The following EPHA7 variants were observed in gnomAD, a reference collection of about 807,000 sequenced individuals.
EPHA7 encodes the protein EPH receptor A7.
In EPHA7, 25 loss-of-function variants were observed where a neutral mutation model predicts 112.6. That is an observed-to-expected ratio of 0.22 (90% CI 0.16 to 0.31). The LOEUF (loss-of-function observed/expected upper bound fraction) is 0.31, where lower values mean the gene tolerates loss of function less well. EPHA7 is among the 10% of genes least tolerant of loss of function. The pLI, the probability that EPHA7 is intolerant of heterozygous loss-of-function variation, is 1.00. For missense variants in EPHA7, 962 were observed against 1,212.6 expected, an observed-to-expected ratio of 0.79 and a Z score of 3.07; for synonymous variants, 437 against 406.5, an observed-to-expected ratio of 1.07 and a Z score of -0.90.
intron 5 of EPHA7, among the ~76,000 whole-genome samples, chr6:93,328,365 T>C (rs1365762064): frequency 3.3e-5 from 5 of 151,572 alleles, no homozygotes; most frequent in African/African-American, 1.2e-4. Context: ...ATTTCTTTTT[T>C]TGTCTATAGC....
At chr6:93,337,396 A>G (rs1443231477) in intron 5 of EPHA7, among the ~76,000 whole-genome samples, 1 of 152,156 alleles carries the variant, frequency 6.6e-6, no homozygotes, top group African/African-American at 2.4e-5. Context: ...ATGAGACCTA[A>G]TTTTCTGTGG....
At chr6:93,298,908 T>C (rs1772815367) in intron 5 of EPHA7, among the ~76,000 whole-genome samples, 1 of 152,154 alleles carries the variant, frequency 6.6e-6, no homozygotes, top group South Asian at 2.1e-4. Context: ...TTCTGCTTTA[T>C]TAGTGGAATA....
rs750782423 is a variant in EPHA7 at position 93,356,680 on chromosome 6, C to T, written c.1324+37G>A. 31 of 1,551,194 alleles carry T rather than the reference C, an allele frequency of 2.0e-5. No individual in the cohort carries two copies. In the South Asian group the frequency reaches 3.3e-4, roughly 16 times the overall value. On this transcript the variant is annotated intron_variant, in intron 5 of 16. Transcript: ENST00000369303. The stretch of plus-strand genomic sequence containing the variant: ...GTAAGACACCTCACTTAGGTAGTCA[C>T]ATTATTTCATTCAGTGAAGATAAAC...
chr6:93,392,828 T>A (rs1777978596), intron 3 of EPHA7, among the ~76,000 whole-genome samples: 1 of 151,842 alleles, frequency 6.6e-6, no homozygotes, highest in African/African-American at 2.4e-5. Flanking sequence ...TTTTGATATA[T>A]TTTTCAGACA....
At position 93,416,941 on chromosome 6, in the gene EPHA7, C is replaced by A. The variant is rs539551700; in HGVS notation, c.98-2174G>T. ...CGCCAGCCGCGCCAAGCATCCATTA[C>A]GCCTCTGCCAGACCTGGGCACTCCA... On this transcript the variant is annotated intron_variant, in intron 1 of 16. Coordinates refer to ENST00000369303, the MANE Select transcript of EPHA7 (RefSeq NM_004440.4). 5.3e-5 allele frequency among the ~76,000 whole-genome samples: 8 copies of A among 152,302 alleles called. No homozygotes were observed. In the East Asian group the frequency reaches 1.6e-3, roughly 30 times the overall value.
chr6:93,401,167 A>T (rs1193054039), intron 3 of EPHA7, among the ~76,000 whole-genome samples: 4 of 152,088 alleles, frequency 2.6e-5, no homozygotes, highest in Non-Finnish European at 5.9e-5. Context: ...CTAATACATT[A>T]GGAGCAAGAG....
intron 16 of EPHA7, among the ~76,000 whole-genome samples, chr6:93,244,573 T>C (rs1028190313): frequency 6.6e-6 from 1 of 152,060 alleles, no homozygotes; most frequent in Non-Finnish European, 1.5e-5. Flanking sequence ...TTTTAGATTG[T>C]CCAGGAACCC....
chr6:93,352,989 AGGCT>A (rs1775770985), intron 5 of EPHA7, among the ~76,000 whole-genome samples: 1 of 152,072 alleles, frequency 6.6e-6, no homozygotes, highest in African/African-American at 2.4e-5. Flanking sequence ...AATGGGCAGT[AGGCT>A]TAATACCTGG....
chr6:93,324,393 G>C (rs950314631), intron 5 of EPHA7, among the ~76,000 whole-genome samples: 1 of 151,312 alleles, frequency 6.6e-6, no homozygotes, highest in African/African-American at 2.4e-5. Flanking sequence ...AGTGCCACTA[G>C]ATTTTCTAGC....
intron 5 of EPHA7, among the ~76,000 whole-genome samples, chr6:93,288,302 G>A (rs912468795): frequency 7.9e-5 from 12 of 152,306 alleles, no homozygotes; most frequent in South Asian, 4.1e-4. Flanking sequence ...TAGGCTAGGT[G>A]AAAGAAGCCA....
At chr6:93,403,914 T>C (rs994454877) in intron 3 of EPHA7, among the ~76,000 whole-genome samples, 1 of 152,030 alleles carries the variant, frequency 6.6e-6, no homozygotes, top group Non-Finnish European at 1.5e-5. Context: ...TAGAAAATTG[T>C]GAGATATATA....
At chr6:93,385,889 C>T (rs1470170575) in intron 3 of EPHA7, among the ~76,000 whole-genome samples, 1 of 152,144 alleles carries the variant, frequency 6.6e-6, no homozygotes, top group Non-Finnish European at 1.5e-5. Context: ...GGGACGCAAA[C>T]ACGTCCTTCT....
chr6:93,296,124 T>C (rs974247996), intron 5 of EPHA7, among the ~76,000 whole-genome samples: 1 of 151,662 alleles, frequency 6.6e-6, no homozygotes, highest in Admixed American at 6.6e-5. Flanking sequence ...ATATAAAACC[T>C]TATATATTAC....
At position 93,241,108 on chromosome 6, in the gene EPHA7, C is replaced by G. The variant is rs192309813; in HGVS notation, c.*2318G>C. On this transcript the variant is annotated 3_prime_UTR_variant, in exon 17 of 17. Coordinates refer to ENST00000369303, the MANE Select transcript of EPHA7 (RefSeq NM_004440.4). ...GCCCTTCTACTCAAGAAAGACTACTCAACTATAAATCTAGTGCTAGAAAAA... is the reference window on the plus strand; with the variant it reads ...GCCCTTCTACTCAAGAAAGACTACTGAACTATAAATCTAGTGCTAGAAAAA... 458 of 204,910 alleles carry G rather than the reference C, an allele frequency of 2.2e-3. 1 individual carries two copies. Among genetic ancestry groups the G allele is most frequent in the Middle Eastern group, 0.014 (9 of 628 alleles). 12.7% of individuals were successfully genotyped at this position (204,910 alleles called of 1,614,324 possible).
chr6:93,369,341 A>G (rs164549), intron 3 of EPHA7, among the ~76,000 whole-genome samples: 141,163 of 152,130 alleles, frequency 0.93, 65,515 homozygotes, highest in East Asian at 1. Flanking sequence ...CCACACCCAA[A>G]TAAATAATTT....
intron 5 of EPHA7, among the ~76,000 whole-genome samples, chr6:93,301,950 G>A (rs1342897645): frequency 2.0e-5 from 3 of 151,650 alleles, no homozygotes; most frequent in South Asian, 2.1e-4. Flanking sequence ...CTTCTTCAAC[G>A]TTCCCTATCC....
At chr6:93,333,105 A>G (rs1327256557) in intron 5 of EPHA7, among the ~76,000 whole-genome samples, 1 of 151,788 alleles carries the variant, frequency 6.6e-6, no homozygotes, top group Non-Finnish European at 1.5e-5. Flanking sequence ...CTCAGTGTTC[A>G]GCTTCCACTT....
chr6:93,379,543 A>C (rs150736598), intron 3 of EPHA7, among the ~76,000 whole-genome samples: 1,622 of 152,146 alleles, frequency 0.011, 10 homozygotes, highest in Middle Eastern at 0.02. Context: ...AAGCTAAAAT[A>C]TGCAAGAATA....
At chr6:93,348,437 T>G (rs562747261) in intron 5 of EPHA7, among the ~76,000 whole-genome samples, 5 of 151,890 alleles carry the variant, frequency 3.3e-5, no homozygotes, top group African/African-American at 9.7e-5. Context: ...CTTCTACATA[T>G]TCAATGTTAT....
Sources: gnomAD v4.1 joint callset for allele counts (sites outside exome capture counted in the v4.1 genomes callset) on GRCh38, gnomAD v4.1.1 for gene constraint, MANE v1.5 for transcripts, NCBI Gene and HGNC (gene_info 2026-07-23, HGNC 2026-07-21) for gene names.